Variants in EDA observed in about 807,000 individuals in gnomAD.
EDA encodes the protein ectodysplasin A.
EDA carries 2 observed loss-of-function variants against 23.6 expected under a neutral mutation model. The observed-to-expected ratio is 0.08, with a 90% CI of 0.03 to 0.27. EDA has a LOEUF of 0.27. Ranked by LOEUF, EDA falls within the 10% of genes least tolerant of loss-of-function variation. EDA has a pLI of 1.00. For missense variants in EDA, 229 were observed against 324.2 expected (o/e 0.71, Z 2.26); for synonymous variants, 131 against 132.0 (o/e 0.99, Z 0.05).
At chrX:69,762,379 C>A (rs575170801) in intron 1 of EDA, among the ~76,000 whole-genome samples, 1 of 112,128 alleles carries the variant, frequency 8.9e-6, no homozygotes, top group South Asian at 3.7e-4. Context: ...TTCCAACCAG[C>A]CCTTTCTTGG....
At chrX:69,981,574 C>G (rs1254613005) in intron 2 of EDA, among the ~76,000 whole-genome samples, 2 of 111,067 alleles carry the variant, frequency 1.8e-5, no homozygotes, top group Non-Finnish European at 3.8e-5. Context: ...ATGCAAGAAG[C>G]AGGAAACAAC....
At chrX:69,702,307 C>T (rs762460011) in intron 1 of EDA, among the ~76,000 whole-genome samples, 40 of 109,986 alleles carry the variant, frequency 3.6e-4, no homozygotes, top group Non-Finnish European at 6.1e-4. Context: ...GGGAAGGGGG[C>T]GTTGAGCTGA....
chrX:69,734,968 C>T (rs1320640233), intron 1 of EDA, among the ~76,000 whole-genome samples: 3 of 110,892 alleles, frequency 2.7e-5, no homozygotes, highest in Non-Finnish European at 5.7e-5. Context: ...GAAGGGGGTT[C>T]CTCAAAAATT....
At chrX:69,893,837 T>C (rs2017968915) in intron 1 of EDA, among the ~76,000 whole-genome samples, 2 of 112,357 alleles carry the variant, frequency 1.8e-5, no homozygotes, top group Admixed American at 9.5e-5. Flanking sequence ...TGCTGTGTTT[T>C]CCTGGGCAAG....
chrX:69,856,664 T>C (rs1333875369), intron 1 of EDA, among the ~76,000 whole-genome samples: 2 of 111,877 alleles, frequency 1.8e-5, no homozygotes, highest in Non-Finnish European at 3.8e-5. Context: ...TATATCTTCT[T>C]TTGATAACTG....
intron 1 of EDA, among the ~76,000 whole-genome samples, chrX:69,737,488 CACA>C (rs1210421300): frequency 2.7e-5 from 3 of 112,119 alleles, no homozygotes; most frequent in Non-Finnish European, 5.6e-5. Flanking sequence ...GTAAGAACCA[CACA>C]ACAACACACT....
intron 1 of EDA, chrX:69,670,183 G>GTTTTTTTTTTTTTTT (rs544601085): frequency 3.4e-5 from 8 of 236,450 alleles, no homozygotes; most frequent in Non-Finnish European, 4.8e-5. Context: ...TTGGCTGACT[G>GTTTTTTTTTTTTTTT]TTTTTTTTTT....
At chrX:70,030,621 G>T in intron 6 of EDA, 101 bp downstream of exon 6, 1 of 769,996 alleles carries the variant, frequency 1.3e-6, no homozygotes. Flanking sequence ...AGGCCGCTGA[G>T]GTACCGTTGG....
chrX:70,029,433 C>G, intron 4 of EDA, 71 bp from the exon 5 acceptor site: 1 of 1,141,858 alleles, frequency 8.8e-7, no homozygotes, highest in Non-Finnish European at 1.2e-6. Flanking sequence ...CTCACCACCA[C>G]TAGCTGCTCA....
At chrX:69,987,723 G>C (rs1358734345) in intron 2 of EDA, among the ~76,000 whole-genome samples, 1 of 111,415 alleles carries the variant, frequency 9.0e-6, no homozygotes, top group Non-Finnish European at 1.9e-5. Context: ...CTCCCCACCA[G>C]CCTACAGCTT....
chrX:69,912,960 G>A (rs1445495969), intron 1 of EDA, among the ~76,000 whole-genome samples: 1 of 110,126 alleles, frequency 9.1e-6, no homozygotes, highest in African/African-American at 3.3e-5. Context: ...TAGGGACAGG[G>A]TTTCACCATG....
intron 1 of EDA, among the ~76,000 whole-genome samples, chrX:69,631,638 T>C (rs1474537323): frequency 9.4e-6 from 1 of 106,002 alleles, no homozygotes. Context: ...TTTTTTTTCT[T>C]TTTTTTTTTG....
intron 1 of EDA, among the ~76,000 whole-genome samples, chrX:69,643,855 T>G (rs904740388): frequency 8.9e-6 from 1 of 112,035 alleles, no homozygotes; most frequent in East Asian, 2.8e-4. Context: ...CACCATTTAT[T>G]AAATAGGGAA....
At chrX:69,810,743 C>T (rs377540559) in intron 1 of EDA, among the ~76,000 whole-genome samples, 24 of 85,201 alleles carry the variant, frequency 2.8e-4, no homozygotes, top group South Asian at 6.6e-4. Context: ...GCAACAAGAG[C>T]GAGACTCCAT....
At chrX:69,823,614 T>G (rs2016305864) in intron 1 of EDA, among the ~76,000 whole-genome samples, 1 of 84,499 alleles carries the variant, frequency 1.2e-5, no homozygotes, top group South Asian at 7.0e-4. Context: ...GTCAGATGAG[T>G]AGGTTGCGAA....
At chrX:69,849,098 C>T (rs1223236401) in intron 1 of EDA, among the ~76,000 whole-genome samples, 3 of 49,514 alleles carry the variant, frequency 6.1e-5, no homozygotes, top group African/African-American at 9.3e-5. Context: ...CACACACACA[C>T]ACACACACAC....
chrX:69,841,717 TAAGGGACCTAAG>T (rs2016899312), intron 1 of EDA, among the ~76,000 whole-genome samples: 1 of 111,826 alleles, frequency 8.9e-6, no homozygotes, highest in African/African-American at 3.3e-5. Context: ...GAATAAATAG[TAAGGGACCTAAG>T]TTACAGTAAA....
intron 1 of EDA, among the ~76,000 whole-genome samples, chrX:69,710,553 T>C (rs1234935194): frequency 8.9e-6 from 1 of 111,851 alleles, no homozygotes; most frequent in African/African-American, 3.3e-5. Context: ...TTGATGGGGA[T>C]GGCATTGAAT....
At chrX:69,761,129 A>G (rs1294173556) in intron 1 of EDA, among the ~76,000 whole-genome samples, 1 of 111,021 alleles carries the variant, frequency 9.0e-6, no homozygotes, top group Admixed American at 9.7e-5. Flanking sequence ...AAGAAAAGCT[A>G]TAAGAGAGGT....
Sources: gnomAD v4.1 joint callset for allele counts (sites outside exome capture counted in the v4.1 genomes callset) on GRCh38, gnomAD v4.1.1 for gene constraint, MANE v1.5 for transcripts, NCBI Gene and HGNC (gene_info 2026-07-23, HGNC 2026-07-21) for gene names.